The following RIN3 variants were observed in gnomAD, a reference collection of about 807,000 sequenced individuals.
RIN3 encodes Ras and Rab interactor 3.
In RIN3, 54 loss-of-function variants were observed where a neutral mutation model predicts 76.3. That is an observed-to-expected ratio of 0.71 (90% CI 0.57 to 0.89). RIN3 has a LOEUF of 0.89. RIN3 is among the 40% of genes least tolerant of loss of function. The probability of loss-of-function intolerance (pLI) is 0.00; values close to 1 mark genes in which losing one functional copy is unlikely to be tolerated. For missense variants in RIN3, 1,256 were observed against 1,322.1 expected (o/e 0.95, Z 0.78); for synonymous variants, 576 against 564.0 (o/e 1.02, Z -0.30).
rs1272040170 is a variant in RIN3 at position 92,544,437 on chromosome 14, C to CG, written c.45-11309dup. Among the ~76,000 whole-genome samples, 385 of 36,434 alleles carry CG rather than the reference C, an allele frequency of 0.011. 14 individuals are homozygous for CG. In the East Asian group the frequency reaches 0.14, roughly 13 times the overall value. The allele number at this position is 36,434 out of a possible 152,430, so 23.9% of individuals were successfully genotyped here. On this transcript the variant is annotated intron_variant, in intron 1 of 9. Coordinates refer to ENST00000216487, the MANE Select transcript of RIN3 (RefSeq NM_024832.5). ...TGTGGGGGGGGGGGGGGGGTGGGGG[C>CG]GGGGGTCCCAAAAAGTCCCCTGGGG...
rs545511617 is a variant in RIN3 at position 92,588,526 on chromosome 14, G to T, written c.367+11049G>T. Among the ~76,000 whole-genome samples the T allele has an allele frequency of 1.6e-4, 25 of 152,042 alleles. No individual in the cohort carries two copies. The South Asian group carries it at 4.8e-3, about 29-fold the overall frequency. ...CAGGTGTGAGCCACCATGCCCAGCT[G>T]CCATAGCACTCTTTTATAAGGGCAC... On this transcript the variant is annotated intron_variant, in intron 3 of 9. Transcript: ENST00000216487.
chr14:92,648,739 A>C lies in RIN3; in HGVS notation c.533-2843A>C, dbSNP rs1463785528. On this transcript the variant is annotated intron_variant, in intron 5 of 9. Transcript: ENST00000216487. The surrounding 1 kb of genome is among the most constrained non-coding windows in gnomAD (Gnocchi z 4.1). ...GTCTGGTGGGAAAGTCAGGCAAAAA[A>C]CAGAGAATTACAGTCCCAGTGATGG... is the stretch of plus-strand genomic sequence containing the variant. Among the ~76,000 whole-genome samples the C allele has an allele frequency of 6.6e-6, 1 of 152,184 alleles. No individual in the cohort carries two copies. Among genetic ancestry groups the C allele is most frequent in the Non-Finnish European group, 1.5e-5 (1 of 68,030 alleles).
chr14:92,656,750 A>T lies in RIN3; in HGVS notation c.2027-2411A>T, dbSNP rs1192777455. Among the ~76,000 whole-genome samples, 1 of 152,160 alleles carries T rather than the reference A, an allele frequency of 6.6e-6. No individual in the cohort carries two copies. Among genetic ancestry groups the T allele is most frequent in the Non-Finnish European group, 1.5e-5 (1 of 68,012 alleles). ...GATGGGAAGGGCTGGAGCTACAGAG[A>T]TGGAGAGAAGGGCCCTTCAGCCTTT... On this transcript the variant is annotated intron_variant, in intron 6 of 9. Transcript: ENST00000216487. This position sits in a 1 kb window ranked among gnomAD's most constrained non-coding sequence, Gnocchi z 5.2.
chr14:92,676,959 A>T (rs952711049), intron 8 of RIN3, among the ~76,000 whole-genome samples: 32 of 148,454 alleles, frequency 2.2e-4, no homozygotes, highest in African/African-American at 7.9e-4. Context: ...CCAGCTGATT[A>T]AAAAAAAAAG....
In RIN3 at chr14:92,641,183, C is replaced by T. The variant is rs115677912; in HGVS notation, c.441-55C>T. The T allele has an allele frequency of 7.6e-4, 1,033 of 1,353,614 alleles. 9 individuals are homozygous for T. The African/African-American group carries it at 0.013, about 18-fold the overall frequency. 83.9% of individuals were successfully genotyped at this position (1,353,614 alleles called of 1,614,324 possible). A position where few individuals can be genotyped will look rare whatever the true frequency, so the allele number is the denominator to read the frequency against. Reference sequence around the variant, plus strand: ...TGCCAGGGCTCTTCCTTTGTGGAGGCTGGGAATGGACACGGTGGACCCAGA... The same window carrying T: ...TGCCAGGGCTCTTCCTTTGTGGAGGTTGGGAATGGACACGGTGGACCCAGA... On this transcript the variant is annotated intron_variant, in intron 4 of 9. Coordinates refer to ENST00000216487, the MANE Select transcript of RIN3 (RefSeq NM_024832.5).
intron 5 of RIN3, among the ~76,000 whole-genome samples, chr14:92,646,654 GGT>G (rs1193433968): frequency 6.6e-6 from 1 of 152,122 alleles, no homozygotes; most frequent in East Asian, 1.9e-4. Flanking sequence ...TGACCAGGCT[GGT>G]CTTGAACTCC....
intron 1 of RIN3, among the ~76,000 whole-genome samples, chr14:92,518,173 C>T (rs369558347): frequency 4.3e-4 from 66 of 152,182 alleles, no homozygotes; most frequent in African/African-American, 1.6e-3. Context: ...TCACATGAAC[C>T]GCTTGTTTGC....
intron 7 of RIN3, among the ~76,000 whole-genome samples, chr14:92,666,910 C>T (rs1217749247): frequency 3.3e-5 from 5 of 152,210 alleles, no homozygotes; most frequent in Non-Finnish European, 5.9e-5. Context: ...CCCACGTGAG[C>T]TTCTGGAAAC....
At chr14:92,665,859 C>A (rs1055863552) in intron 7 of RIN3, among the ~76,000 whole-genome samples, 2 of 152,126 alleles carry the variant, frequency 1.3e-5, no homozygotes, top group African/African-American at 4.8e-5. Context: ...TGACGTTCAG[C>A]AATTTTAGAA....
At chr14:92,563,616 G>A (rs961439609) in intron 2 of RIN3, among the ~76,000 whole-genome samples, 2 of 135,038 alleles carry the variant, frequency 1.5e-5, no homozygotes, top group Admixed American at 7.6e-5. Flanking sequence ...ACAACTGACT[G>A]TCTCCAAAAG....
intron 1 of RIN3, among the ~76,000 whole-genome samples, chr14:92,538,512 G>A (rs552522559): frequency 6.6e-6 from 1 of 152,328 alleles, no homozygotes; most frequent in South Asian, 2.1e-4. Flanking sequence ...GGGGAGACCA[G>A]CATGTTACAG....
intron 2 of RIN3, among the ~76,000 whole-genome samples, chr14:92,573,189 T>C: frequency 6.6e-6 from 1 of 151,814 alleles, no homozygotes; most frequent in East Asian, 1.9e-4. Context: ...GCCAAAAGGG[T>C]GACTTTTTTG....
chr14:92,591,774 C>T (rs545952849), intron 3 of RIN3, among the ~76,000 whole-genome samples: 13 of 150,918 alleles, frequency 8.6e-5, no homozygotes, highest in South Asian at 4.1e-4. Flanking sequence ...AAGACTTTCT[C>T]GAACAAACAA....
chr14:92,598,997 A>T (rs1885247722), intron 3 of RIN3, among the ~76,000 whole-genome samples: 1 of 152,072 alleles, frequency 6.6e-6, no homozygotes, highest in Admixed American at 6.5e-5. Flanking sequence ...ACGAGGTGGC[A>T]AGATAGTCCA....
In RIN3 at chr14:92,652,708, C is replaced by T; in HGVS notation, c.1659C>T (p.Ser553=). 1 of 1,613,560 alleles carries T rather than the reference C, an allele frequency of 6.2e-7. No individual in the cohort carries two copies. The highest frequency in any genetic ancestry group is 8.5e-7 in the Non-Finnish European group (1 of 1,180,034). The change falls in exon 6 of 10, where the codon AGC becomes AGT. Residue 553 remains serine (S), a synonymous_variant. Coordinates refer to ENST00000216487, the MANE Select transcript of RIN3 (RefSeq NM_024832.5). The surrounding 1 kb of genome is among the most constrained non-coding windows in gnomAD (Gnocchi z 6.4). ...MATDQDSYST[S]STEEELEQFS... is the part of the protein sequence containing the mutation. ...CCGACCAGGACTCCTACTCCACCAG[C>T]AGCACGGAGGAGGAGCTGGAGCAGT... is the stretch of plus-strand genomic sequence containing the variant.
rs1184961909 is a variant in RIN3 at position 92,514,880 on chromosome 14, G to A, written c.44+904G>A. On this transcript the variant is annotated intron_variant, in intron 1 of 9. Transcript: ENST00000216487. This position sits in a 1 kb window ranked among gnomAD's most constrained non-coding sequence, Gnocchi z 7.2. Reference sequence around the variant, plus strand: ...AAAGCCTATTTCTGGGTACCCAGGAGCGCGTCTGGGGAGGCCATTCCCAGC... The same window carrying A: ...AAAGCCTATTTCTGGGTACCCAGGAACGCGTCTGGGGAGGCCATTCCCAGC... Among the ~76,000 whole-genome samples, 1 of 152,212 alleles carries A rather than the reference G, an allele frequency of 6.6e-6. No homozygotes were observed. The highest frequency in any genetic ancestry group is 1.5e-5 in the Non-Finnish European group (1 of 68,038).
At chr14:92,562,159 C>G (rs895817549) in intron 2 of RIN3, among the ~76,000 whole-genome samples, 8 of 152,198 alleles carry the variant, frequency 5.3e-5, no homozygotes, top group Non-Finnish European at 1.0e-4. Context: ...TGTTCCTCCA[C>G]TAGGACTTGT....
At chr14:92,517,333 C>A (rs896821028) in intron 1 of RIN3, among the ~76,000 whole-genome samples, 1 of 152,012 alleles carries the variant, frequency 6.6e-6, no homozygotes, top group African/African-American at 2.4e-5. Context: ...GTTGAGGAAA[C>A]GGAAGACAAA....
intron 5 of RIN3, among the ~76,000 whole-genome samples, chr14:92,646,107 G>A (rs1166889519): frequency 6.6e-6 from 1 of 152,152 alleles, no homozygotes; most frequent in Non-Finnish European, 1.5e-5. Flanking sequence ...AAGAGAGATC[G>A]ACTAAAGGGC....
Sources: allele counts gnomAD v4.1 joint callset (sites outside exome capture counted in the v4.1 genomes callset), GRCh38; gene constraint gnomAD v4.1.1; non-coding constraint Gnocchi (gnomAD v3.1); transcripts MANE v1.5; gene names NCBI Gene and HGNC (gene_info 2026-07-23, HGNC 2026-07-21).